ANK3: variants seen among roughly 807,000 people sequenced by gnomAD.
ANK3 encodes ankyrin 3.
A neutral mutation model predicts 370.9 loss-of-function variants in ANK3; 57 were observed. The ratio of observed to expected loss-of-function variants is 0.15; its 90% CI spans 0.12 to 0.19. The LOEUF (loss-of-function observed/expected upper bound fraction) is 0.19, where lower values mean the gene tolerates loss of function less well. Among genes scored for constraint, ANK3 ranks in the 10% least tolerant of loss-of-function variants. The probability of loss-of-function intolerance (pLI) is 1.00; values close to 1 mark genes in which losing one functional copy is unlikely to be tolerated. For synonymous variants in ANK3, 1,929 were observed against 1,946.3 expected, an observed-to-expected ratio of 0.99 and a Z score of 0.23; for missense variants, 4,439 against 5,302.1, an observed-to-expected ratio of 0.84 and a Z score of 5.06.
At chr10:60,390,767 A>AC (rs1566994376), upstream of ANK3, among the ~76,000 whole-genome samples, 3,537 of 49,494 alleles carry the variant, frequency 0.071, 91 homozygotes, top group East Asian at 0.13. Context: ...CACACACACA[A>AC]ACAACAATTT....
At chr10:60,269,024 C>A (rs939646966) in intron 5 of ANK3, among the ~76,000 whole-genome samples, 2 of 152,184 alleles carry the variant, frequency 1.3e-5, no homozygotes, top group African/African-American at 2.4e-5. Context: ...TTATCTACTG[C>A]CATCTTTTCT....
chr10:60,627,840 G>A (rs927329671), intron 1 of ANK3, among the ~76,000 whole-genome samples: 3 of 151,886 alleles, frequency 2.0e-5, no homozygotes, highest in East Asian at 1.9e-4. Flanking sequence ...TCAAAATAAC[G>A]CCATAACATC....
At chr10:60,656,410 CTAGT>C in intron 1 of ANK3, among the ~76,000 whole-genome samples, 1 of 151,764 alleles carries the variant, frequency 6.6e-6, no homozygotes, top group African/African-American at 2.4e-5. Context: ...TTAAATCAGT[CTAGT>C]TAGAGATTCA....
At chr10:60,168,464 G>A (rs1021860542) in intron 21 of ANK3, among the ~76,000 whole-genome samples, 7 of 151,888 alleles carry the variant, frequency 4.6e-5, no homozygotes, top group African/African-American at 1.2e-4. Flanking sequence ...GGATCCCATC[G>A]AGGATACTGT....
intron 42 of ANK3, chr10:60,053,763 T>C: frequency 2.3e-6 from 3 of 1,302,284 alleles, no homozygotes; most frequent in Non-Finnish European, 3.0e-6. Flanking sequence ...GGCTGTTTTC[T>C]GAGATCATAC....
intron 1 of ANK3, among the ~76,000 whole-genome samples, chr10:60,635,070 A>G (rs2078535674): frequency 1.3e-5 from 2 of 152,236 alleles, no homozygotes; most frequent in African/African-American, 4.8e-5. Flanking sequence ...TTTACTGAAT[A>G]TTAAACAAAG....
intron 6 of ANK3, among the ~76,000 whole-genome samples, chr10:60,263,029 T>C (rs182167012): frequency 6.6e-6 from 1 of 152,234 alleles, no homozygotes; most frequent in Non-Finnish European, 1.5e-5. Context: ...CAGAAGGCGA[T>C]GCAAAGAAGA....
intron 1 of ANK3, among the ~76,000 whole-genome samples, chr10:60,322,726 A>T (rs1229068256): frequency 6.6e-6 from 1 of 152,278 alleles, no homozygotes; most frequent in South Asian, 2.1e-4. Flanking sequence ...TGCTTTTCTT[A>T]TAAAATTGTC....
rs183651005 is a variant in ANK3, at chr10:60,126,798, G to A, written c.2841+7473C>T. The stretch of plus-strand genomic sequence containing the variant: ...TATTGGATTTACTTATTTCTAGAGA[G>A]AAAGCATAAAATAATAGAATCTCAA... On this transcript the variant is annotated intron_variant, in intron 25 of 43. Transcript: ENST00000280772. 1.2e-3 allele frequency among the ~76,000 whole-genome samples: 179 copies of A among 152,252 alleles called. 2 individuals are homozygous for A. The highest frequency in any genetic ancestry group is 1.8e-3 in the Non-Finnish European group (121 of 68,010).
intron 1 of ANK3, among the ~76,000 whole-genome samples, chr10:60,697,994 C>T (rs2079487152): frequency 6.6e-6 from 1 of 152,110 alleles, no homozygotes; most frequent in Admixed American, 6.5e-5. Flanking sequence ...AAAATTTTCA[C>T]AACCTACTCA....
chr10:60,238,217 G>A (rs1322325264), intron 7 of ANK3, among the ~76,000 whole-genome samples: 1 of 152,148 alleles, frequency 6.6e-6, no homozygotes, highest in East Asian at 1.9e-4. Context: ...TATGAGTAAC[G>A]CTGTGAGCTG....
intron 25 of ANK3, among the ~76,000 whole-genome samples, chr10:60,129,394 G>C (rs2093944866): frequency 6.6e-6 from 1 of 152,078 alleles, no homozygotes; most frequent in African/African-American, 2.4e-5. Flanking sequence ...GGTTCATTTA[G>C]AATTGCATGC....
intron 42 of ANK3, chr10:60,042,971 A>G: frequency 7.5e-7 from 1 of 1,332,848 alleles, no homozygotes; most frequent in Non-Finnish European, 9.6e-7. Flanking sequence ...TGAATACAAC[A>G]TAATTGTACT....
chr10:60,559,112 T>C (rs550590157), intron 2 of ANK3, among the ~76,000 whole-genome samples: 9 of 152,282 alleles, frequency 5.9e-5, no homozygotes, highest in South Asian at 4.1e-4. Context: ...ATATGCTCCA[T>C]GCCTTCTTTT....
At chr10:60,447,795 T>C (rs149344511) in intron 2 of ANK3, among the ~76,000 whole-genome samples, 5 of 152,292 alleles carry the variant, frequency 3.3e-5, no homozygotes, top group Non-Finnish European at 5.9e-5. Context: ...GGACTAGCAG[T>C]TGGCAGGCCT....
chr10:60,609,289 C>A (rs1002800861), intron 2 of ANK3, among the ~76,000 whole-genome samples: 14 of 152,222 alleles, frequency 9.2e-5, no homozygotes, highest in African/African-American at 3.1e-4. Flanking sequence ...AGACTCCAAC[C>A]AAGTCATTGT....
chr10:60,588,010 A>C (rs1489253247), intron 2 of ANK3, among the ~76,000 whole-genome samples: 1 of 152,092 alleles, frequency 6.6e-6, no homozygotes, highest in Non-Finnish European at 1.5e-5. Context: ...GGTCCAAGCT[A>C]ATAATGCACA....
intron 1 of ANK3, among the ~76,000 whole-genome samples, chr10:60,624,737 A>C (rs2078385280): frequency 6.6e-6 from 1 of 151,972 alleles, no homozygotes; most frequent in Non-Finnish European, 1.5e-5. Context: ...AAAAAAAAAA[A>C]AAACTGGTGG....
chr10:60,307,550 G>T (rs2045419874), intron 1 of ANK3, among the ~76,000 whole-genome samples: 1 of 151,466 alleles, frequency 6.6e-6, no homozygotes, highest in South Asian at 2.1e-4. Flanking sequence ...AAGTTGCCCA[G>T]GCTGGTCTCA....
Sources: allele counts gnomAD v4.1 joint callset (sites outside exome capture counted in the v4.1 genomes callset), GRCh38; gene constraint gnomAD v4.1.1; transcripts MANE v1.5; gene names NCBI Gene and HGNC (gene_info 2026-07-23, HGNC 2026-07-21).